The following LMO7 variants were observed in gnomAD, a reference collection of about 807,000 sequenced individuals.
LMO7 encodes the protein LIM domain 7, also known as LIM domain only protein 7.
LMO7 carries 120 observed loss-of-function variants against 206.5 expected under a neutral mutation model. The ratio of observed to expected loss-of-function variants is 0.58; its 90% CI spans 0.50 to 0.68. LMO7 has a LOEUF of 0.68. LMO7 is among the 30% of genes least tolerant of loss of function. The pLI is 0.00. For missense variants in LMO7, 1,959 were observed against 1,957.9 expected (o/e 1.00, Z -0.01); for synonymous variants, 706 against 681.5 (o/e 1.04, Z -0.56).
At chr13:75,702,047 G>A (rs752023894) in intron 1 of LMO7, among the ~76,000 whole-genome samples, 1 of 151,970 alleles carries the variant, frequency 6.6e-6, no homozygotes, top group Non-Finnish European at 1.5e-5. Flanking sequence ...CTAAAAGTTG[G>A]CTATGGTCTA....
intron 1 of LMO7, among the ~76,000 whole-genome samples, chr13:75,685,497 T>A (rs959616311): frequency 7.2e-5 from 11 of 152,188 alleles, no homozygotes; most frequent in African/African-American, 2.7e-4. Context: ...CATCTGCCCA[T>A]CCTAAGCAGC....
intron 3 of LMO7, among the ~76,000 whole-genome samples, chr13:75,753,097 C>A (rs2047398782): frequency 6.6e-6 from 1 of 152,142 alleles, no homozygotes. Context: ...CAACATCTGT[C>A]ATTTTCTGTC....
At chr13:75,852,139 G>A (rs987645758) in intron 27 of LMO7, among the ~76,000 whole-genome samples, 1 of 152,108 alleles carries the variant, frequency 6.6e-6, no homozygotes, top group African/African-American at 2.4e-5. Flanking sequence ...AATCTTCTTA[G>A]ACTTAGTAGA....
chr13:75,650,394 C>T (rs1017473508), intron 1 of LMO7, among the ~76,000 whole-genome samples: 3 of 152,146 alleles, frequency 2.0e-5, no homozygotes, highest in Non-Finnish European at 2.9e-5. Flanking sequence ...TCCCAAAGTG[C>T]TGGGATTACA....
chr13:75,716,221 A>G (rs9573630), intron 2 of LMO7, among the ~76,000 whole-genome samples: 11,656 of 152,200 alleles, frequency 0.077, 980 homozygotes, highest in African/African-American at 0.2. Context: ...GTTCTGAAAT[A>G]TCAAAGTCAA....
At chr13:75,655,204 A>C (rs527944776) in intron 1 of LMO7, among the ~76,000 whole-genome samples, 1 of 152,278 alleles carries the variant, frequency 6.6e-6, no homozygotes, top group Non-Finnish European at 1.5e-5. Flanking sequence ...GCATATCTGC[A>C]AGTTTCTATC....
intron 1 of LMO7, among the ~76,000 whole-genome samples, chr13:75,709,643 CTGTT>C (rs1239993326): frequency 5.9e-5 from 9 of 151,826 alleles, no homozygotes; most frequent in Non-Finnish European, 1.3e-4. Flanking sequence ...TTTGATGGGG[CTGTT>C]TGTTTTTTTT....
intron 1 of LMO7, among the ~76,000 whole-genome samples, chr13:75,670,397 T>C (rs2039456040): frequency 6.6e-6 from 1 of 152,188 alleles, no homozygotes. Flanking sequence ...ATAGGCTATT[T>C]TGTCATTGTG....
At chr13:75,671,708 T>TA (rs927013565) in intron 1 of LMO7, among the ~76,000 whole-genome samples, 3 of 152,126 alleles carry the variant, frequency 2.0e-5, no homozygotes, top group Non-Finnish European at 4.4e-5. Context: ...GAAATTTGTT[T>TA]AAAAAAATGA....
Position 75,858,201 on chromosome 13 carries a change from G to A in LMO7, c.*258G>A. 1 of 368,620 alleles carries A rather than the reference G, an allele frequency of 2.7e-6. No homozygotes were observed. The highest frequency in any genetic ancestry group is 4.6e-5 in the Admixed American group (1 of 21,656). The allele number at this position is 368,620 out of a possible 1,614,324, so 22.8% of individuals were successfully genotyped here. A position where few individuals can be genotyped will look rare whatever the true frequency, so the allele number is the denominator to read the frequency against. On this transcript the variant is annotated 3_prime_UTR_variant, in exon 31 of 31. Transcript: ENST00000377534. ...AATTCAGCATCTTGAGAGCACAAGGGAAAAAATAAGAACCTACGAATATTT... is the reference window on the plus strand; with the variant it reads ...AATTCAGCATCTTGAGAGCACAAGGAAAAAAATAAGAACCTACGAATATTT...
At chr13:75,673,763 G>A (rs751051032) in intron 1 of LMO7, among the ~76,000 whole-genome samples, 2 of 152,134 alleles carry the variant, frequency 1.3e-5, no homozygotes, top group African/African-American at 4.8e-5. Flanking sequence ...TTCTGATTAT[G>A]AAGGAAATAA....
chr13:75,635,043 A>G (rs963160709), upstream of LMO7, among the ~76,000 whole-genome samples: 8 of 150,882 alleles, frequency 5.3e-5, no homozygotes, highest in African/African-American at 2.0e-4. Flanking sequence ...CAAAACAAAA[A>G]CAAACAGAAA....
At chr13:75,687,591 G>A (rs2139589587) in intron 1 of LMO7, among the ~76,000 whole-genome samples, 1 of 151,678 alleles carries the variant, frequency 6.6e-6, no homozygotes, top group South Asian at 2.1e-4. Flanking sequence ...CCTGTATATA[G>A]CACTTGTTAT....
intron 1 of LMO7, among the ~76,000 whole-genome samples, chr13:75,676,856 G>A (rs2040056913): frequency 6.6e-6 from 1 of 152,156 alleles, no homozygotes; most frequent in South Asian, 2.1e-4. Flanking sequence ...GGCATTCCTA[G>A]TGGGCTTTTT....
chr13:75,632,802 T>A (rs556854412), upstream of LMO7, among the ~76,000 whole-genome samples: 6 of 151,764 alleles, frequency 4.0e-5, no homozygotes, highest in Non-Finnish European at 5.9e-5. Context: ...TCTAGAATTT[T>A]AAAATTTTGT....
Position 75,817,171 on chromosome 13 carries a change from A to G in LMO7, c.1957A>G (p.Met653Val), listed in dbSNP as rs1275171802. The stretch of plus-strand genomic sequence containing the variant: ...GTCTTTTTGTTGTAGGAGTAAGTCC[A>G]TGAGTGATGTCAGCGCAGAAGATGT... ...KIYGENGSKSMSDVSAEDVQN... is the reference protein window; with the variant it reads ...KIYGENGSKSVSDVSAEDVQN... The change falls in exon 12 of 31, where the codon ATG (methionine) becomes GTG (valine). Residue 653 changes from methionine (M) to valine (V), a missense_variant. Met to Val is a conservative substitution (Grantham distance 21). Transcript: ENST00000377534. 1.2e-6 allele frequency: 2 copies of G among 1,612,610 alleles called. No individual in the cohort carries two copies. The highest frequency in any genetic ancestry group is 2.2e-5 in the East Asian group (1 of 44,864).
At chr13:75,691,642 C>T (rs1457345766) in intron 1 of LMO7, among the ~76,000 whole-genome samples, 1 of 152,192 alleles carries the variant, frequency 6.6e-6, no homozygotes, top group African/African-American at 2.4e-5. Context: ...CTATAGCCTT[C>T]CCCAGTGGAG....
chr13:75,841,762 G>A lies in LMO7; in HGVS notation c.3810G>A (p.Arg1270=). ...REGTRAGEEE[R]RQPQEEVVHE... ...GAACCCGAGCAGGAGAAGAGGAGAG[G>A]AGACAGCCACAAGAGGAAGTTGTTC... is the stretch of plus-strand genomic sequence containing the variant. Residue 1270 remains arginine (R), a synonymous_variant, in exon 24 of 31, where the codon AGG becomes AGA. Transcript: ENST00000377534. 1 of 1,614,064 alleles carries A rather than the reference G, an allele frequency of 6.2e-7. No individual in the cohort carries two copies. The highest frequency in any genetic ancestry group is 8.5e-7 in the Non-Finnish European group (1 of 1,179,996).
chr13:75,622,016 T>G (rs968587854), intron 1 of LMO7: 3 of 492,460 alleles, frequency 6.1e-6, no homozygotes, highest in African/African-American at 3.9e-5. Context: ...TGAGATAAAA[T>G]TAAGTCAACT....
Sources: gnomAD v4.1 joint callset for allele counts (sites outside exome capture counted in the v4.1 genomes callset) on GRCh38, gnomAD v4.1.1 for gene constraint, MANE v1.5 for transcripts, NCBI Gene and HGNC (gene_info 2026-07-23, HGNC 2026-07-21) for gene names.